The following KIF26B variants were observed in gnomAD, a reference collection of about 807,000 sequenced individuals.
KIF26B encodes kinesin family member 26B.
Under a neutral mutation model 151.2 loss-of-function variants are expected in KIF26B, and 63 were observed. The ratio of observed to expected loss-of-function variants is 0.42; its 90% CI spans 0.34 to 0.51. The LOEUF (loss-of-function observed/expected upper bound fraction) is 0.51. KIF26B is among the 20% of genes least tolerant of loss of function. The pLI is 0.07. For missense variants in KIF26B, 2,813 were observed against 2,913.6 expected (o/e 0.97, Z 0.79); for synonymous variants, 1,357 against 1,262.1 (o/e 1.08, Z -1.59).
chr1:245,575,197 G>A (rs1003493272), intron 5 of KIF26B, among the ~76,000 whole-genome samples: 1 of 151,608 alleles, frequency 6.6e-6, no homozygotes, highest in African/African-American at 2.4e-5. Context: ...AAGGTAGGCT[G>A]GGGGCGGTGG....
At chr1:245,484,976 T>C (rs1316655393) in intron 4 of KIF26B, among the ~76,000 whole-genome samples, 2 of 152,036 alleles carry the variant, frequency 1.3e-5, no homozygotes, top group Non-Finnish European at 2.9e-5. Context: ...ACTGACCAAG[T>C]ATTCAACAGA....
chr1:245,239,718 T>C lies in KIF26B; in HGVS notation c.465+83035T>C, dbSNP rs951839434. The stretch of plus-strand genomic sequence containing the variant: ...CGGGTTTTCACTATGTTGGCCAGGC[T>C]GGTCTCAAACTCCTGACCTCAGGTG... On this transcript the variant is annotated intron_variant, in intron 2 of 14. Coordinates refer to ENST00000407071, the MANE Select transcript of KIF26B (RefSeq NM_018012.4). The surrounding 1 kb of genome is among the most constrained non-coding windows in gnomAD (Gnocchi z 4.3). 2.0e-5 allele frequency among the ~76,000 whole-genome samples: 3 copies of C among 152,132 alleles called. No individual in the cohort carries two copies. The highest frequency in any genetic ancestry group is 4.4e-5 in the Non-Finnish European group (3 of 68,018).
intron 3 of KIF26B, among the ~76,000 whole-genome samples, chr1:245,385,330 G>C (rs1297258324): frequency 6.6e-6 from 1 of 152,200 alleles, no homozygotes; most frequent in East Asian, 1.9e-4. Context: ...AACATTTGGG[G>C]TTAATTGGTA....
At chr1:245,235,898 A>T (rs1670098894) in intron 2 of KIF26B, among the ~76,000 whole-genome samples, 2 of 150,874 alleles carry the variant, frequency 1.3e-5, no homozygotes, top group African/African-American at 4.9e-5. Context: ...ACACCCCACC[A>T]CTATAAGCTG....
chr1:245,309,801 G>A (rs1030434441), intron 2 of KIF26B, among the ~76,000 whole-genome samples: 29 of 142,650 alleles, frequency 2.0e-4, no homozygotes, highest in South Asian at 4.4e-4. Flanking sequence ...AAGAGAGGCC[G>A]CGTGGTCTTA....
chr1:245,262,506 T>C (rs1670665555), intron 2 of KIF26B, among the ~76,000 whole-genome samples: 2 of 152,004 alleles, frequency 1.3e-5, no homozygotes, highest in South Asian at 4.2e-4. Flanking sequence ...CTGGCTGGAG[T>C]GCAATGGCGC....
intron 9 of KIF26B, among the ~76,000 whole-genome samples, chr1:245,640,143 C>CTCTCTCTCTCTCTATATATATA: frequency 2.8e-4 from 9 of 31,924 alleles, no homozygotes; most frequent in South Asian, 1.3e-3. Context: ...CTCTCTCTCT[C>CTCTCTCTCTCTCTATATATATA]TATATATATA....
At chr1:245,651,030 G>A (rs946010448) in intron 10 of KIF26B, among the ~76,000 whole-genome samples, 5 of 152,170 alleles carry the variant, frequency 3.3e-5, no homozygotes, top group African/African-American at 1.2e-4. Flanking sequence ...GGTAGAGCCT[G>A]AGGCAATCTG....
chr1:245,371,065 C>T (rs367718191), intron 3 of KIF26B, among the ~76,000 whole-genome samples: 57 of 152,338 alleles, frequency 3.7e-4, no homozygotes, highest in Middle Eastern at 3.4e-3. Flanking sequence ...AAGATTCACA[C>T]AAGCCACCAA....
intron 4 of KIF26B, among the ~76,000 whole-genome samples, chr1:245,420,559 C>A (rs940873479): frequency 2.0e-5 from 3 of 152,214 alleles, no homozygotes; most frequent in Admixed American, 1.3e-4. Flanking sequence ...GGAAAACTTT[C>A]TCTGTCTAAG....
At chr1:245,547,035 G>T (rs1661757901) in intron 5 of KIF26B, among the ~76,000 whole-genome samples, 1 of 152,236 alleles carries the variant, frequency 6.6e-6, no homozygotes, top group Admixed American at 6.5e-5. Flanking sequence ...GATTTCGCCA[G>T]CCTCTGGACA....
chr1:245,577,737 C>T (rs190755127), intron 5 of KIF26B, among the ~76,000 whole-genome samples: 1 of 142,984 alleles, frequency 7.0e-6, no homozygotes, highest in African/African-American at 2.6e-5. Context: ...GAACTCCGGG[C>T]GATGCATCTC....
At chr1:245,599,838 T>A (rs917760567) in intron 5 of KIF26B, among the ~76,000 whole-genome samples, 15 of 152,076 alleles carry the variant, frequency 9.9e-5, no homozygotes, top group Non-Finnish European at 2.2e-4. Flanking sequence ...ATAAGAAAAT[T>A]GCCAGAATGG....
intron 2 of KIF26B, among the ~76,000 whole-genome samples, chr1:245,350,262 T>C (rs1313458321): frequency 3.3e-5 from 5 of 152,138 alleles, no homozygotes; most frequent in Non-Finnish European, 5.9e-5. Context: ...ACACAGATCT[T>C]GCCATATCAG....
intron 4 of KIF26B, among the ~76,000 whole-genome samples, chr1:245,465,568 A>G (rs1000819790): frequency 1.3e-5 from 2 of 152,274 alleles, no homozygotes; most frequent in African/African-American, 4.8e-5. Flanking sequence ...TTTCCTTCCC[A>G]TTTACACAGG....
chr1:245,517,820 A>G (rs979724115), intron 4 of KIF26B, among the ~76,000 whole-genome samples: 2 of 151,356 alleles, frequency 1.3e-5, no homozygotes, highest in African/African-American at 4.9e-5. Flanking sequence ...AGGAATTGGC[A>G]TGATTCTCTG....
At chr1:245,209,903 G>C (rs950503344) in intron 2 of KIF26B, among the ~76,000 whole-genome samples, 5 of 152,246 alleles carry the variant, frequency 3.3e-5, no homozygotes, top group Admixed American at 3.3e-4. Context: ...CAAGGCATTT[G>C]CTTACTGGAA....
rs763812831 is a variant in KIF26B, at chr1:245,646,193, A to G, written c.2171A>G (p.Glu724Gly). 2 of 1,613,960 alleles carry G rather than the reference A, an allele frequency of 1.2e-6. No homozygotes were observed. Among genetic ancestry groups the G allele is most frequent in the Non-Finnish European group, 1.7e-6 (2 of 1,179,866 alleles). ...GTGAAAGCTCTTAGCAAAAATCGAG[A>G]AGGAGGCTCAGGGCTGTGTCTCTCG... ...SCVKALSKNR[E>G]GGSGLCLSLS... Residue 724 changes from glutamate (E) to glycine (G), a missense_variant, in exon 10 of 15, where the codon GAA becomes GGA. Glu to Gly is a moderately conservative substitution (Grantham distance 98). Coordinates refer to ENST00000407071, the MANE Select transcript of KIF26B (RefSeq NM_018012.4).
At chr1:245,413,683 C>T (rs1674347494) in intron 3 of KIF26B, among the ~76,000 whole-genome samples, 1 of 152,078 alleles carries the variant, frequency 6.6e-6, no homozygotes, top group Admixed American at 6.5e-5. Flanking sequence ...AAATAAATAA[C>T]AAAAGTAAGG....
Sources: gnomAD v4.1 joint callset for allele counts (sites outside exome capture counted in the v4.1 genomes callset) on GRCh38, gnomAD v4.1.1 for gene constraint, Gnocchi (gnomAD v3.1) non-coding constraint, MANE v1.5 for transcripts, NCBI Gene and HGNC (gene_info 2026-07-23, HGNC 2026-07-21) for gene names.